The following CEP85 variants were observed in gnomAD, a reference collection of about 807,000 sequenced individuals.
The protein encoded by CEP85 is centrosomal protein 85.
In CEP85, 58 loss-of-function variants were observed where a neutral mutation model predicts 93.7. The ratio of observed to expected loss-of-function variants is 0.62; its 90% CI spans 0.50 to 0.77. CEP85 has a LOEUF of 0.77. Ranked by LOEUF, CEP85 falls within the 30% of genes least tolerant of loss-of-function variation. CEP85 has a pLI of 0.00. For missense variants in CEP85, 868 were observed against 922.0 expected, an observed-to-expected ratio of 0.94 and a Z score of 0.76; for synonymous variants, 314 against 338.6, an observed-to-expected ratio of 0.93 and a Z score of 0.80.
chr1:26,278,331 C>A lies in CEP85; in HGVS notation c.*1038C>A, dbSNP rs1227512729. 1 of 152,678 alleles carries A rather than the reference C, an allele frequency of 6.5e-6. No individual in the cohort carries two copies. The highest frequency in any genetic ancestry group is 1.5e-5 in the Non-Finnish European group (1 of 68,084). The allele number at this position is 152,678 out of a possible 1,614,324, so 9.5% of individuals were successfully genotyped here. ...GGCTTTAGTGAGGGACCTTTGCCCT[C>A]TGGTTTTTCTTGCCTCCTGGTTTAG... is the stretch of plus-strand genomic sequence containing the variant. On this transcript the variant is annotated 3_prime_UTR_variant, in exon 14 of 14. Coordinates refer to ENST00000451429, the MANE Select transcript of CEP85 (RefSeq NM_001319944.2).
At chr1:26,242,438 T>C (rs574709510) in intron 2 of CEP85, among the ~76,000 whole-genome samples, 1 of 152,334 alleles carries the variant, frequency 6.6e-6, no homozygotes, top group South Asian at 2.1e-4. Flanking sequence ...TGCCTGTGTC[T>C]TCTATAACAA....
chr1:26,257,407 C>G (rs945983360), intron 4 of CEP85, among the ~76,000 whole-genome samples, 190 bp from the exon 5 acceptor site: 1 of 152,166 alleles, frequency 6.6e-6, no homozygotes, highest in African/African-American at 2.4e-5. Context: ...AGGGAGTGTT[C>G]AGTTGGCAGA....
chr1:26,256,076 G>A (rs929969307), intron 4 of CEP85, among the ~76,000 whole-genome samples: 1 of 152,140 alleles, frequency 6.6e-6, no homozygotes, highest in Non-Finnish European at 1.5e-5. Flanking sequence ...AATAGCAAAA[G>A]GTTACAAAGG....
intron 7 of CEP85, among the ~76,000 whole-genome samples, chr1:26,260,829 C>T (rs530967672): frequency 9.3e-5 from 14 of 150,730 alleles, no homozygotes; most frequent in African/African-American, 3.2e-4. Flanking sequence ...TTCGCTCTGG[C>T]ATCTGGGCTG....
intron 4 of CEP85, among the ~76,000 whole-genome samples, chr1:26,256,798 C>T (rs2089709986): frequency 6.6e-6 from 1 of 151,546 alleles, no homozygotes; most frequent in Non-Finnish European, 1.5e-5. Context: ...AGGGTTTCAC[C>T]ATGCTGGCCC....
Position 26,234,212 on chromosome 1 carries a change from T to G in CEP85, c.-121T>G, listed in dbSNP as rs2089285435. Reference sequence around the variant, plus strand: ...CGGCCTGGCGGGCGTGCAACGGCCGTTAGAGGAGCTGAGGGAGGGAACCAC... The same window carrying G: ...CGGCCTGGCGGGCGTGCAACGGCCGGTAGAGGAGCTGAGGGAGGGAACCAC... On this transcript the variant is annotated 5_prime_UTR_variant, in exon 1 of 14. Transcript: ENST00000451429. 6.6e-6 allele frequency: 1 copy of G among 152,116 alleles called. No individual in the cohort carries two copies. Among genetic ancestry groups the G allele is most frequent in the African/African-American group, 2.4e-5 (1 of 41,398 alleles). 9.4% of individuals were successfully genotyped at this position (152,116 alleles called of 1,614,324 possible). A position where few individuals can be genotyped will look rare whatever the true frequency, so the allele number is the denominator to read the frequency against.
Position 26,256,928 on chromosome 1 carries a change from G to GGTGT in CEP85, c.904-644_904-641dup, listed in dbSNP as rs71004573. On this transcript the variant is annotated intron_variant, in intron 4 of 13. Transcript: ENST00000451429. ...TCCTTTTTTTGTTTTGTTTTGTTTT[G>GGTGT]GTGTGTGTGTGTGTGTGTGTGTGTG... Among the ~76,000 whole-genome samples the GGTGT allele has an allele frequency of 2.7e-3, 305 of 111,484 alleles. 4 individuals are homozygous for GGTGT. Among genetic ancestry groups the GGTGT allele is most frequent in the East Asian group, 0.024 (99 of 4,198 alleles). The allele number at this position is 111,484 out of a possible 152,430, so 73.1% of individuals were successfully genotyped here.
chr1:26,246,616 C>G (rs2089512518), intron 3 of CEP85, among the ~76,000 whole-genome samples: 1 of 151,780 alleles, frequency 6.6e-6, no homozygotes, highest in Non-Finnish European at 1.5e-5. Flanking sequence ...TGCCTGTAAT[C>G]TACTCGGGAG....
chr1:26,246,926 T>C (rs1326525929), intron 3 of CEP85, among the ~76,000 whole-genome samples: 1 of 151,894 alleles, frequency 6.6e-6, no homozygotes, highest in Non-Finnish European at 1.5e-5. Flanking sequence ...ATATCAGGGG[T>C]CTCCAACCCC....
intron 2 of CEP85, among the ~76,000 whole-genome samples, 169 bp from the exon 3 acceptor site, chr1:26,243,991 CAAAAAA>C (rs58751883): frequency 1.8e-5 from 2 of 108,348 alleles, no homozygotes; most frequent in African/African-American, 4.0e-5. Flanking sequence ...GACTCCGTCT[CAAAAAA>C]AAAAAAAAAA....
At position 26,268,497 on chromosome 1, in the gene CEP85, T is replaced by TA; in HGVS notation, c.1359dup (p.His454ThrfsTer4). The TA allele has an allele frequency of 6.2e-7, 1 of 1,614,078 alleles. No homozygotes were observed. The highest frequency in any genetic ancestry group is 8.5e-7 in the Non-Finnish European group (1 of 1,179,990). On this transcript the variant is annotated frameshift_variant, in exon 8 of 14. Coordinates refer to ENST00000451429, the MANE Select transcript of CEP85 (RefSeq NM_001319944.2). LOFTEE classifies it high-confidence loss of function. ...TATTTTCCTAGGTCAAAGGTCGTGATAAACATATCAATAATTTGAAAAAGA... is the reference window on the plus strand; with the variant it reads ...TATTTTCCTAGGTCAAAGGTCGTGATAAAACATATCAATAATTTGAAAAAGA...
At position 26,255,314 on chromosome 1, in the gene CEP85, C is replaced by T; in HGVS notation, c.352C>T (p.Leu118Phe). 6.2e-7 allele frequency: 1 copy of T among 1,614,176 alleles called. No homozygotes were observed. The highest frequency in any genetic ancestry group is 8.5e-7 in the Non-Finnish European group (1 of 1,180,034). Reference sequence around the variant, plus strand: ...ACCTGTTGGACCCTCTTCCTCTAAACTCCCTTTGTCAGGGTTGGCTGAAAG... The same window carrying T: ...ACCTGTTGGACCCTCTTCCTCTAAATTCCCTTTGTCAGGGTTGGCTGAAAG... ...STPVGPSSSK[L>F]PLSGLAESVG... The change falls in exon 4 of 14, where the codon CTC (leucine) becomes TTC (phenylalanine). Residue 118 changes from leucine (L) to phenylalanine (F), a missense_variant. Leu to Phe is a conservative substitution (Grantham distance 22, BLOSUM62 0). Coordinates refer to ENST00000451429, the MANE Select transcript of CEP85 (RefSeq NM_001319944.2).
chr1:26,255,506 C>T lies in CEP85; in HGVS notation c.544C>T (p.Pro182Ser), dbSNP rs1460311319. 3.7e-6 allele frequency: 6 copies of T among 1,614,000 alleles called. No individual in the cohort carries two copies. The highest frequency in any genetic ancestry group is 5.1e-6 in the Non-Finnish European group (6 of 1,180,040). The change falls in exon 4 of 14, where the codon CCT (proline) becomes TCT (serine). Residue 182 changes from proline (P) to serine (S), a missense_variant. Physicochemically the swap from Pro to Ser is moderately conservative, Grantham distance 74 (BLOSUM62 -1). Transcript: ENST00000451429. The stretch of plus-strand genomic sequence containing the variant: ...AGAAGAGGCGAGGAAGTTTGATATT[C>T]CTAGCATGGAATCTACCCTCAATCA... ...RQEEARKFDI[P>S]SMESTLNQSA...
chr1:26,243,218 G>A (rs534167072), intron 2 of CEP85, among the ~76,000 whole-genome samples: 3 of 149,918 alleles, frequency 2.0e-5, no homozygotes, highest in South Asian at 4.2e-4. Context: ...CTGCAACCTC[G>A]AAGCAATGAT....
In CEP85 at chr1:26,277,532, G is replaced by T; in HGVS notation, c.*239G>T. ...GTGAGTTACTAATTAACTTTTGGCA[G>T]GTACAACAGATAAGTCCTCACAAAC... On this transcript the variant is annotated 3_prime_UTR_variant, in exon 14 of 14. Coordinates refer to ENST00000451429, the MANE Select transcript of CEP85 (RefSeq NM_001319944.2). 1 of 427,184 alleles carries T rather than the reference G, an allele frequency of 2.3e-6. No homozygotes were observed. The highest frequency in any genetic ancestry group is 4.4e-6 in the Non-Finnish European group (1 of 229,630). 26.5% of individuals were successfully genotyped at this position (427,184 alleles called of 1,614,324 possible).
At chr1:26,244,055 AAG>A (rs773607690) in intron 2 of CEP85, 109 bp from the exon 3 acceptor site, 2 of 887,550 alleles carry the variant, frequency 2.3e-6, no homozygotes, top group East Asian at 2.8e-5. Context: ...AGGAGAGAGA[AAG>A]GGGTGGGTTG....
intron 7 of CEP85, among the ~76,000 whole-genome samples, chr1:26,265,629 T>G (rs1035418271): frequency 1.3e-5 from 2 of 152,226 alleles, no homozygotes; most frequent in African/African-American, 4.8e-5. Context: ...GGTTGATACT[T>G]GCCTCCATAG....
At chr1:26,241,173 G>T (rs2089417598) in intron 2 of CEP85, among the ~76,000 whole-genome samples, 1 of 151,228 alleles carries the variant, frequency 6.6e-6, no homozygotes, top group Admixed American at 6.6e-5. Flanking sequence ...ATTCTCTTAG[G>T]CATGCTGCCT....
intron 2 of CEP85, among the ~76,000 whole-genome samples, chr1:26,241,616 A>G (rs1021807843): frequency 1.3e-5 from 2 of 152,078 alleles, no homozygotes; most frequent in Non-Finnish European, 2.9e-5. Context: ...TATGACAATT[A>G]TGTATATAAT....
Sources: allele counts gnomAD v4.1 joint callset (sites outside exome capture counted in the v4.1 genomes callset), GRCh38; gene constraint gnomAD v4.1.1; transcripts MANE v1.5; gene names NCBI Gene and HGNC (gene_info 2026-07-23, HGNC 2026-07-21).